The following ZNF787 variants were observed in gnomAD, a reference collection of about 807,000 sequenced individuals.
The protein encoded by ZNF787 is TTF-I-interacting peptide 20.
Under a neutral mutation model 16.9 loss-of-function variants are expected in ZNF787, and 7 were observed. The observed-to-expected ratio is 0.42, with a 90% CI of 0.24 to 0.78. ZNF787 has a LOEUF of 0.78. Ranked by LOEUF, ZNF787 falls within the 30% of genes least tolerant of loss-of-function variation. ZNF787 has a pLI of 0.30. For synonymous variants in ZNF787, 345 were observed against 270.9 expected (o/e 1.27, Z -2.69); for missense variants, 551 against 589.3 (o/e 0.94, Z 0.67).
intron 1 of ZNF787, among the ~76,000 whole-genome samples, chr19:56,115,972 G>A (rs1455437714): frequency 6.6e-6 from 1 of 152,152 alleles, no homozygotes; most frequent in African/African-American, 2.4e-5. Context: ...AGTACACTAT[G>A]GACTCTGGGT....
At chr19:56,113,145 C>T (rs2030028675) in intron 1 of ZNF787, among the ~76,000 whole-genome samples, 2 of 152,150 alleles carry the variant, frequency 1.3e-5, no homozygotes, top group African/African-American at 2.4e-5. Flanking sequence ...CTGATAGGCA[C>T]ATGCAAGGAT....
At chr19:56,105,175 ACAGGCTCTG>A (rs1986254258) in intron 1 of ZNF787, among the ~76,000 whole-genome samples, 1 of 151,360 alleles carries the variant, frequency 6.6e-6, no homozygotes. Context: ...ATAAAATGAA[ACAGGCTCTG>A]AGGCAGCCCT....
intron 1 of ZNF787, among the ~76,000 whole-genome samples, chr19:56,116,391 A>G (rs965256244): frequency 7.2e-5 from 11 of 152,076 alleles, no homozygotes; most frequent in South Asian, 4.1e-4. Context: ...GCAGTGAGCC[A>G]AGATCACGCC....
At chr19:56,106,256 G>A (rs543568312) in intron 1 of ZNF787, among the ~76,000 whole-genome samples, 342 of 152,334 alleles carry the variant, frequency 2.2e-3, no homozygotes, top group African/African-American at 7.7e-3. Flanking sequence ...GTGCTGCGGC[G>A]TGCCAGCGTG....
At chr19:56,111,012 C>A (rs1051488316) in intron 1 of ZNF787, among the ~76,000 whole-genome samples, 1 of 152,218 alleles carries the variant, frequency 6.6e-6, no homozygotes, top group African/African-American at 2.4e-5. Context: ...CTCAAACTGC[C>A]CCCCAGATAC....
chr19:56,094,232 A>T (rs1330383214), intron 2 of ZNF787, among the ~76,000 whole-genome samples: 1 of 120,780 alleles, frequency 8.3e-6, no homozygotes, highest in Non-Finnish European at 1.6e-5. Flanking sequence ...GCAAGGTTTC[A>T]TGTTGGCCAG....
chr19:56,091,340 G>C lies in ZNF787; in HGVS notation c.80-2248C>G, dbSNP rs575160075. ...GCAATGCTCCCTGTGACTCAGCTAT[G>C]AATAGCATTTATTCATGACGACATG... On this transcript the variant is annotated intron_variant, in intron 2 of 2. Coordinates refer to ENST00000610935, the MANE Select transcript of ZNF787 (RefSeq NM_001002836.4). Among the ~76,000 whole-genome samples, 15 of 152,336 alleles carry C rather than the reference G, an allele frequency of 9.8e-5. No homozygotes were observed. The East Asian group carries it at 2.7e-3, about 27-fold the overall frequency.
chr19:56,093,646 G>A (rs1985749845), intron 2 of ZNF787, among the ~76,000 whole-genome samples: 1 of 152,162 alleles, frequency 6.6e-6, no homozygotes, highest in Non-Finnish European at 1.5e-5. Flanking sequence ...CAGAGGAACG[G>A]GGTTCACAGG....
At position 56,088,863 on chromosome 19, in the gene ZNF787, G is replaced by T; in HGVS notation, c.309C>A (p.Phe103Leu). ...PNACADCGKT[F>L]SQSSHLVQHR... is the part of the protein sequence containing the mutation. The stretch of plus-strand genomic sequence containing the variant: ...GCTGCACCAGGTGCGAGCTCTGCGA[G>T]AAGGTCTTGCCGCAGTCGGCGCAGG... Residue 103 changes from phenylalanine to leucine, a missense_variant, in exon 3 of 3, where the codon TTC becomes TTA. Physicochemically the swap from Phe to Leu is conservative, Grantham distance 22 (BLOSUM62 0). This residue lies in a region of ZNF787 where 39 missense variants were observed against 109.9 expected (regional missense o/e 0.35). Transcript: ENST00000610935. This position sits in a 1 kb window ranked among gnomAD's most constrained non-coding sequence, Gnocchi z 8.6. 6.2e-7 allele frequency: 1 copy of T among 1,609,558 alleles called. No individual in the cohort carries two copies. Among genetic ancestry groups the T allele is most frequent in the Non-Finnish European group, 8.5e-7 (1 of 1,177,872 alleles).
At chr19:56,102,515 C>T (rs1056558723) in intron 2 of ZNF787, 2 of 226,188 alleles carry the variant, frequency 8.8e-6, no homozygotes, top group Non-Finnish European at 1.7e-5. Context: ...CTGGGCCCCA[C>T]GTAGCCCACA....
intron 2 of ZNF787, among the ~76,000 whole-genome samples, chr19:56,098,882 G>A (rs926780503): frequency 6.7e-6 from 1 of 149,592 alleles, no homozygotes; most frequent in South Asian, 2.1e-4. Flanking sequence ...ACGGCCGCAG[G>A]GTGATGGAGC....
chr19:56,109,271 G>A (rs921288983), intron 1 of ZNF787, among the ~76,000 whole-genome samples: 4 of 152,166 alleles, frequency 2.6e-5, no homozygotes, highest in South Asian at 2.1e-4. Flanking sequence ...CAGTGAAGGC[G>A]ACGGCACAGA....
chr19:56,098,656 C>T lies in ZNF787; in HGVS notation c.79+4483G>A, dbSNP rs1213284355. Among the ~76,000 whole-genome samples the T allele has an allele frequency of 1.2e-4, 3 of 25,096 alleles. 1 individual carries two copies. The highest frequency in any genetic ancestry group is 2.4e-4 in the Admixed American group (1 of 4,230). 16.5% of individuals were successfully genotyped at this position (25,096 alleles called of 152,430 possible). A position where few individuals can be genotyped will look rare whatever the true frequency, so the allele number is the denominator to read the frequency against. ...GGGTGATACAGCCGCAGGGTGATGC[C>T]ACCAGGGTGATATGGCCGCCGGGTG... is the stretch of plus-strand genomic sequence containing the variant. On this transcript the variant is annotated intron_variant, in intron 2 of 2. Coordinates refer to ENST00000610935, the MANE Select transcript of ZNF787 (RefSeq NM_001002836.4).
At chr19:56,102,068 T>C (rs1986120459) in intron 2 of ZNF787, 1 of 152,208 alleles carries the variant, frequency 6.6e-6, no homozygotes, top group Admixed American at 6.5e-5. Flanking sequence ...TCATGCTCCA[T>C]CCACAGATCT....
At chr19:56,112,004 G>A (rs145282481) in intron 1 of ZNF787, among the ~76,000 whole-genome samples, 73 of 152,226 alleles carry the variant, frequency 4.8e-4, no homozygotes, top group African/African-American at 1.7e-3. Context: ...TTCTTCTCCC[G>A]TCCCTCCAGG....
At chr19:56,109,645 G>A (rs1360967652) in intron 1 of ZNF787, among the ~76,000 whole-genome samples, 1 of 152,080 alleles carries the variant, frequency 6.6e-6, no homozygotes, top group Admixed American at 6.6e-5. Flanking sequence ...TGTAATCCCA[G>A]CACACTGGGA....
chr19:56,113,202 C>A (rs1243464625), intron 1 of ZNF787, among the ~76,000 whole-genome samples: 1 of 152,176 alleles, frequency 6.6e-6, no homozygotes, highest in African/African-American at 2.4e-5. Flanking sequence ...CACAGGGAGG[C>A]AGCACCTCAC....
chr19:56,087,964 CGT>C lies in ZNF787; in HGVS notation c.*57_*58del, dbSNP rs1985369298. 2 of 1,298,492 alleles carry C rather than the reference CGT, an allele frequency of 1.5e-6. No individual in the cohort carries two copies. The highest frequency in any genetic ancestry group is 1.9e-6 in the Non-Finnish European group (2 of 1,025,888). 80.4% of individuals were successfully genotyped at this position (1,298,492 alleles called of 1,614,324 possible). ...TCTCCCTGGGTCTCTTGGTCTTGCA[CGT>C]CGTCGCTCCCGCCAAGCCCGAGGGG... is the stretch of plus-strand genomic sequence containing the variant. On this transcript the variant is annotated 3_prime_UTR_variant, in exon 3 of 3. Coordinates refer to ENST00000610935, the MANE Select transcript of ZNF787 (RefSeq NM_001002836.4).
chr19:56,101,009 C>T (rs1174128827), intron 2 of ZNF787, among the ~76,000 whole-genome samples: 1 of 142,412 alleles, frequency 7.0e-6, no homozygotes, highest in African/African-American at 2.7e-5. Flanking sequence ...CCAACCCCCG[C>T]CACTCCACCC....
Sources: gnomAD v4.1 joint callset for allele counts (sites outside exome capture counted in the v4.1 genomes callset) on GRCh38, gnomAD v4.1.1 for gene constraint, gnomAD v4.1.1 regional missense constraint, Gnocchi (gnomAD v3.1) non-coding constraint, MANE v1.5 for transcripts, NCBI Gene and HGNC (gene_info 2026-07-23, HGNC 2026-07-21) for gene names.